PTPRD: variants seen among roughly 807,000 people sequenced by gnomAD.
The protein encoded by PTPRD is receptor-type tyrosine-protein phosphatase delta.
PTPRD carries 34 observed loss-of-function variants against 214.5 expected under a neutral mutation model. The observed-to-expected ratio is 0.16, with a 90% confidence interval of 0.12 to 0.21. The LOEUF (loss-of-function observed/expected upper bound fraction) is 0.21. PTPRD is among the 10% of genes least tolerant of loss of function. PTPRD has a pLI of 1.00. For missense variants in PTPRD, 2,545 were observed against 2,398.7 expected (o/e 1.06, Z -1.27); for synonymous variants, 1,128 against 845.7 (o/e 1.33, Z -5.79).
At chr9:8,716,534 T>C (rs1384400703) in intron 12 of PTPRD, among the ~76,000 whole-genome samples, 1 of 152,164 alleles carries the variant, frequency 6.6e-6, no homozygotes, top group Admixed American at 6.5e-5. Flanking sequence ...GTTCTACAAA[T>C]TTCTAGAGGC....
At chr9:10,060,211 C>G (rs900459700) in intron 3 of PTPRD, among the ~76,000 whole-genome samples, 1 of 151,898 alleles carries the variant, frequency 6.6e-6, no homozygotes, top group Non-Finnish European at 1.5e-5. Flanking sequence ...GCTTTCAAGT[C>G]CCAATTTCAT....
intron 5 of PTPRD, among the ~76,000 whole-genome samples, chr9:9,828,620 G>T (rs1465096681): frequency 6.6e-6 from 1 of 151,948 alleles, no homozygotes; most frequent in Non-Finnish European, 1.5e-5. Flanking sequence ...CCTACACGTT[G>T]TGCACGTGTA....
chr9:8,806,998 T>C (rs1294012616), intron 11 of PTPRD, among the ~76,000 whole-genome samples: 3 of 152,118 alleles, frequency 2.0e-5, no homozygotes, highest in African/African-American at 7.2e-5. Flanking sequence ...ACAATTACAG[T>C]GACAAAAATA....
chr9:9,701,147 C>A (rs1008887930), intron 7 of PTPRD, among the ~76,000 whole-genome samples: 13 of 152,026 alleles, frequency 8.6e-5, no homozygotes, highest in Admixed American at 7.2e-4. Context: ...TGTGTATAAC[C>A]CATTCTTGGA....
intron 9 of PTPRD, among the ~76,000 whole-genome samples, chr9:9,358,134 T>A (rs901530246): frequency 1.3e-5 from 2 of 151,308 alleles, no homozygotes; most frequent in Non-Finnish European, 3.0e-5. Context: ...GAAGACCTTT[T>A]TGAAACAGCA....
In PTPRD at chr9:10,193,695, C is replaced by G. The variant is rs535979429; in HGVS notation, c.-545+147268G>C. ...TTGTAAGATTCTATTAGCACTTCTT[C>G]TTGTAGCAAAGGTTCTCCTATTTTG... On this transcript the variant is annotated intron_variant, in intron 3 of 45. Transcript: ENST00000381196. Among the ~76,000 whole-genome samples the G allele has an allele frequency of 3.3e-5, 5 of 152,218 alleles. No homozygotes were observed. In the South Asian group the frequency reaches 1.0e-3, roughly 32 times the overall value.
intron 39 of PTPRD, among the ~76,000 whole-genome samples, chr9:8,353,937 C>CATATATATATATATATATATATAT (rs59488682): frequency 4.9e-5 from 3 of 61,306 alleles, no homozygotes; most frequent in African/African-American, 2.0e-4. Context: ...TGTGTGTGTA[C>CATATATATATATATATATATATAT]ATATATATAT....
At chr9:9,688,850 G>C (rs1397379552) in intron 7 of PTPRD, among the ~76,000 whole-genome samples, 1 of 151,596 alleles carries the variant, frequency 6.6e-6, no homozygotes, top group African/African-American at 2.4e-5. Flanking sequence ...AAAAAACAAA[G>C]CTAAGGGGGT....
At chr9:9,943,413 AATTC>A (rs369359363) in intron 4 of PTPRD, among the ~76,000 whole-genome samples, 2 of 152,122 alleles carry the variant, frequency 1.3e-5, no homozygotes, top group Non-Finnish European at 2.9e-5. Context: ...AGAAGTTTGA[AATTC>A]ATTCATTCAT....
chr9:8,518,766 CATATT>C (rs2097835042), intron 20 of PTPRD, among the ~76,000 whole-genome samples: 1 of 152,086 alleles, frequency 6.6e-6, no homozygotes, highest in African/African-American at 2.4e-5. Flanking sequence ...TTATTTAAGT[CATATT>C]ATACAGCTGT....
At chr9:8,876,932 C>CT (rs201951280) in intron 11 of PTPRD, among the ~76,000 whole-genome samples, 5,026 of 150,028 alleles carry the variant, frequency 0.034, 104 homozygotes, top group Non-Finnish European at 0.044. Flanking sequence ...TTTTCTTTTT[C>CT]TTTATTTTTT....
intron 2 of PTPRD, among the ~76,000 whole-genome samples, chr9:10,501,842 C>G (rs561995163): frequency 6.6e-6 from 1 of 151,936 alleles, no homozygotes; most frequent in Non-Finnish European, 1.5e-5. Flanking sequence ...TAGACGAATG[C>G]TTCTCAATTC....
intron 2 of PTPRD, among the ~76,000 whole-genome samples, chr9:10,480,782 A>G (rs756347037): frequency 1.6e-4 from 24 of 152,160 alleles, no homozygotes; most frequent in Non-Finnish European, 3.2e-4. Context: ...CCACAAGCCT[A>G]CAAGGAGAGT....
chr9:8,868,929 C>G (rs1231960518), intron 11 of PTPRD, among the ~76,000 whole-genome samples: 1 of 152,094 alleles, frequency 6.6e-6, no homozygotes, highest in Non-Finnish European at 1.5e-5. Context: ...TGAAGGAAAA[C>G]CCTTTTTATC....
At position 9,161,982 on chromosome 9, in the gene PTPRD, G is replaced by C. The variant is rs115284921; in HGVS notation, c.-143+21322C>G. On this transcript the variant is annotated intron_variant, in intron 10 of 45. Transcript: ENST00000381196. Reference sequence around the variant, plus strand: ...TCATTTTAAGATTTTTTTTTGTCTTGAATCCTAAAAGAGTAGCAGGATAAC... The same window carrying C: ...TCATTTTAAGATTTTTTTTTGTCTTCAATCCTAAAAGAGTAGCAGGATAAC... Among the ~76,000 whole-genome samples the C allele has an allele frequency of 3.1e-3, 472 of 151,232 alleles. 1 individual carries two copies. Among genetic ancestry groups the C allele is most frequent in the African/African-American group, 0.01 (424 of 41,222 alleles).
chr9:9,245,751 C>A (rs1396616480), intron 9 of PTPRD, among the ~76,000 whole-genome samples: 1 of 152,094 alleles, frequency 6.6e-6, no homozygotes, highest in Non-Finnish European at 1.5e-5. Context: ...CACATGTACC[C>A]TAAAACTAAA....
At chr9:9,549,548 C>T (rs2079673483) in intron 8 of PTPRD, among the ~76,000 whole-genome samples, 1 of 152,088 alleles carries the variant, frequency 6.6e-6, no homozygotes, top group African/African-American at 2.4e-5. Flanking sequence ...ATGTATTAAA[C>T]TTAAACAGTC....
At chr9:8,942,921 A>G (rs1253451579) in intron 11 of PTPRD, among the ~76,000 whole-genome samples, 3 of 152,200 alleles carry the variant, frequency 2.0e-5, no homozygotes, top group Non-Finnish European at 4.4e-5. Flanking sequence ...ATAAGTTTAG[A>G]TTGATAAACA....
At chr9:8,589,958 C>T (rs1484836154) in intron 14 of PTPRD, among the ~76,000 whole-genome samples, 1 of 152,080 alleles carries the variant, frequency 6.6e-6, no homozygotes, top group African/African-American at 2.4e-5. Flanking sequence ...ACAGAAATTG[C>T]TTGCGTTCAC....
Sources: gnomAD v4.1 joint callset for allele counts (sites outside exome capture counted in the v4.1 genomes callset) on GRCh38, gnomAD v4.1.1 for gene constraint, MANE v1.5 for transcripts, NCBI Gene and HGNC (gene_info 2026-07-23, HGNC 2026-07-21) for gene names.